FGFR2: variants seen among roughly 807,000 people sequenced by gnomAD.
The protein encoded by FGFR2 is BEK fibroblast growth factor receptor.
FGFR2 carries 19 observed loss-of-function variants against 95.9 expected under a neutral mutation model. The ratio of observed to expected loss-of-function variants is 0.20; its 90% CI spans 0.14 to 0.29. The LOEUF is 0.29. Ranked by LOEUF, FGFR2 falls within the 10% of genes least tolerant of loss-of-function variation. The probability of loss-of-function intolerance (pLI) is 1.00; values close to 1 mark genes in which losing one functional copy is unlikely to be tolerated. For missense variants in FGFR2, 707 were observed against 1,056.9 expected (o/e 0.67, Z 4.59); for synonymous variants, 392 against 393.3 (o/e 1.00, Z 0.04).
Position 121,554,702 on chromosome 10 carries a change from C to T in FGFR2, c.455-3243G>A, listed in dbSNP as rs551695435. Among the ~76,000 whole-genome samples, 10 of 152,082 alleles carry T rather than the reference C, an allele frequency of 6.6e-5. 1 individual carries two copies. Among genetic ancestry groups the T allele is most frequent in the Admixed American group, 6.6e-4 (10 of 15,264 alleles). ...CTTTTATAATTTTACAATAGCTCTT[C>T]CTAAAATACACTAGCTTTATGTGAA... On this transcript the variant is annotated intron_variant, in intron 4 of 17. Transcript: ENST00000358487.
intron 5 of FGFR2, among the ~76,000 whole-genome samples, chr10:121,540,198 G>A (rs1201146222): frequency 1.3e-5 from 2 of 152,160 alleles, no homozygotes; most frequent in Non-Finnish European, 2.9e-5. Flanking sequence ...AACTACGAAG[G>A]TAGTTTCAGA....
intron 2 of FGFR2, among the ~76,000 whole-genome samples, chr10:121,571,188 G>A (rs562691064): frequency 1.5e-4 from 22 of 150,790 alleles, no homozygotes; most frequent in Non-Finnish European, 3.1e-4. Flanking sequence ...AGACGGGGTG[G>A]GTTTCACCAT....
intron 4 of FGFR2, among the ~76,000 whole-genome samples, chr10:121,553,929 C>A (rs1192296366): frequency 6.6e-6 from 1 of 152,230 alleles, no homozygotes; most frequent in Non-Finnish European, 1.5e-5. Flanking sequence ...CGCACCTATG[C>A]AGGCCTGACC....
At position 121,479,619 on chromosome 10, in the gene FGFR2, G is replaced by T. The variant is rs1402710173; in HGVS notation, c.*238C>A. 6.4e-7 allele frequency: 1 copy of T among 1,551,688 alleles called. No individual in the cohort carries two copies. Among genetic ancestry groups the T allele is most frequent in the East Asian group, 2.4e-5 (1 of 40,924 alleles). On this transcript the variant is annotated 3_prime_UTR_variant, in exon 18 of 18. Coordinates refer to ENST00000358487, the MANE Select transcript of FGFR2 (RefSeq NM_000141.5). ...GCCAGTACGCACGGCAGGTGAGAGG[G>T]GTTACATGGTGGCTTGTGGCAGTCC... is the stretch of plus-strand genomic sequence containing the variant.
chr10:121,551,960 T>A (rs910929843), intron 4 of FGFR2, among the ~76,000 whole-genome samples: 1 of 151,928 alleles, frequency 6.6e-6, no homozygotes, highest in Non-Finnish European at 1.5e-5. Flanking sequence ...GTCATTCTAA[T>A]ATAATAAAAT....
chr10:121,550,978 T>C (rs1031914906), intron 5 of FGFR2, among the ~76,000 whole-genome samples: 2 of 152,112 alleles, frequency 1.3e-5, no homozygotes, highest in East Asian at 1.9e-4. Context: ...CCCAACACTT[T>C]GGGAGGCCGA....
At chr10:121,483,447 C>G (rs1334202948) in intron 17 of FGFR2, among the ~76,000 whole-genome samples, 1 of 152,240 alleles carries the variant, frequency 6.6e-6, no homozygotes, top group Non-Finnish European at 1.5e-5. Context: ...GCTCCACCAG[C>G]AGCTACACTG....
At chr10:121,570,668 T>G (rs1215956985) in intron 2 of FGFR2, among the ~76,000 whole-genome samples, 1 of 152,238 alleles carries the variant, frequency 6.6e-6, no homozygotes, top group Non-Finnish European at 1.5e-5. Context: ...GAAGCCGCCT[T>G]GCTATGCACA....
intron 2 of FGFR2, among the ~76,000 whole-genome samples, chr10:121,582,293 T>C (rs537348008): frequency 5.6e-4 from 85 of 152,304 alleles, no homozygotes; most frequent in African/African-American, 1.9e-3. Context: ...TGTTCATTGC[T>C]TGCTATTCCA....
intron 6 of FGFR2, among the ~76,000 whole-genome samples, chr10:121,537,423 T>C (rs1286558594): frequency 6.6e-6 from 1 of 152,216 alleles, no homozygotes; most frequent in Non-Finnish European, 1.5e-5. Context: ...ATTAACCAAA[T>C]CTTTGCAATT....
chr10:121,572,568 C>T (rs1320188820), intron 2 of FGFR2, among the ~76,000 whole-genome samples: 2 of 151,766 alleles, frequency 1.3e-5, no homozygotes, highest in Admixed American at 6.6e-5. Context: ...TGCAGTGAGC[C>T]GAGACCATGC....
At chr10:121,527,527 T>C (rs1851534165) in intron 6 of FGFR2, 1 of 152,254 alleles carries the variant, frequency 6.6e-6, no homozygotes, top group Non-Finnish European at 1.5e-5. Flanking sequence ...GTACTTAATG[T>C]AAATGAATTA....
intron 2 of FGFR2, among the ~76,000 whole-genome samples, chr10:121,580,331 C>T (rs1860640072): frequency 6.6e-6 from 1 of 152,098 alleles, no homozygotes; most frequent in African/African-American, 2.4e-5. Context: ...CAGATGTGTC[C>T]CCGCCTGATC....
chr10:121,554,131 G>A (rs954822157), intron 4 of FGFR2, among the ~76,000 whole-genome samples: 14 of 152,194 alleles, frequency 9.2e-5, no homozygotes, highest in Admixed American at 5.9e-4. Flanking sequence ...AGCAGGGTAC[G>A]GGTGCAGTGC....
intron 6 of FGFR2, chr10:121,526,706 G>C (rs1165411810): frequency 2.5e-6 from 1 of 398,602 alleles, no homozygotes; most frequent in Admixed American, 4.4e-5. Context: ...GAGTGGGCTG[G>C]GATGCTGGGC....
At chr10:121,482,998 T>C (rs1454601256) in intron 17 of FGFR2, among the ~76,000 whole-genome samples, 1 of 152,188 alleles carries the variant, frequency 6.6e-6, no homozygotes, top group African/African-American at 2.4e-5. Flanking sequence ...GGTTTCGCCA[T>C]GTTGGCCAGG....
intron 9 of FGFR2, among the ~76,000 whole-genome samples, chr10:121,504,617 G>A (rs145144706): frequency 9.9e-5 from 15 of 152,058 alleles, no homozygotes; most frequent in South Asian, 6.2e-4. Context: ...TCTTGTCTTC[G>A]GTTTCAGAAA....
chr10:121,492,901 C>T (rs1194633621), intron 13 of FGFR2, among the ~76,000 whole-genome samples: 1 of 152,142 alleles, frequency 6.6e-6, no homozygotes, highest in African/African-American at 2.4e-5. Flanking sequence ...CCGCCCCCCA[C>T]GTGGAATCTC....
chr10:121,555,127 C>A lies in FGFR2; in HGVS notation c.455-3668G>T, dbSNP rs547745752. ...GGTGGCTCACGCCTGTAATCCCAGC[C>A]TTTGGGAGGCCGAGGTGGGCGGATC... On this transcript the variant is annotated intron_variant, in intron 4 of 17. Coordinates refer to ENST00000358487, the MANE Select transcript of FGFR2 (RefSeq NM_000141.5). Among the ~76,000 whole-genome samples the A allele has an allele frequency of 2.6e-5, 4 of 152,258 alleles. No homozygotes were observed. In the South Asian group the frequency reaches 8.3e-4, roughly 32 times the overall value.
Sources: allele counts gnomAD v4.1 joint callset (sites outside exome capture counted in the v4.1 genomes callset), GRCh38; gene constraint gnomAD v4.1.1; transcripts MANE v1.5; gene names NCBI Gene and HGNC (gene_info 2026-07-23, HGNC 2026-07-21).